The following RCOR1 variants were observed in gnomAD, a reference collection of about 807,000 sequenced individuals.
RCOR1 encodes the protein REST corepressor 1.
RCOR1 carries 12 observed loss-of-function variants against 64.0 expected under a neutral mutation model. That is an observed-to-expected ratio of 0.19 (90% CI 0.12 to 0.30). RCOR1 has a LOEUF of 0.30. Among genes scored for constraint, RCOR1 ranks in the 10% least tolerant of loss-of-function variants. The pLI is 1.00. For synonymous variants in RCOR1, 279 were observed against 227.2 expected (o/e 1.23, Z -2.05); for missense variants, 502 against 621.2 (o/e 0.81, Z 2.04).
intron 3 of RCOR1, among the ~76,000 whole-genome samples, chr14:102,684,379 A>G (rs891122902): frequency 9.9e-5 from 15 of 152,194 alleles, no homozygotes; most frequent in Non-Finnish European, 1.6e-4. Flanking sequence ...CTTGGGGTGC[A>G]TGAGACCTAG....
intron 2 of RCOR1, among the ~76,000 whole-genome samples, chr14:102,639,907 C>T (rs1351638577): frequency 6.6e-6 from 1 of 151,996 alleles, no homozygotes; most frequent in African/African-American, 2.4e-5. Flanking sequence ...AGTGCAATGG[C>T]ATGACCTCGG....
chr14:102,679,135 T>TA (rs879503319), intron 2 of RCOR1, among the ~76,000 whole-genome samples: 2 of 152,166 alleles, frequency 1.3e-5, no homozygotes, highest in South Asian at 2.1e-4. Context: ...AGTATACCAT[T>TA]AAAAAATGTT....
chr14:102,722,044 C>T (rs189823223), intron 10 of RCOR1, 143 bp from the exon 11 acceptor site: 7,666 of 650,230 alleles, frequency 0.012, 87 homozygotes, highest in Admixed American at 0.019. Context: ...GGTACTTTTT[C>T]CTACTCTAAT....
intron 11 of RCOR1, among the ~76,000 whole-genome samples, chr14:102,723,199 A>C (rs1369760034): frequency 6.6e-6 from 1 of 152,264 alleles, no homozygotes; most frequent in Non-Finnish European, 1.5e-5. Flanking sequence ...CTTTGTAAGG[A>C]AAGTCACTTT....
intron 3 of RCOR1, among the ~76,000 whole-genome samples, chr14:102,696,452 C>A (rs1474754973): frequency 6.6e-6 from 1 of 152,178 alleles, no homozygotes; most frequent in Non-Finnish European, 1.5e-5. Context: ...GGAATGTCGG[C>A]CAGGTTGCAC....
At chr14:102,671,108 T>G (rs1895025786) in intron 2 of RCOR1, among the ~76,000 whole-genome samples, 1 of 152,214 alleles carries the variant, frequency 6.6e-6, no homozygotes, top group African/African-American at 2.4e-5. Context: ...GAAAAGCATA[T>G]TCACCATTTG....
Position 102,711,022 on chromosome 14 carries a change from T to TC in RCOR1, c.858+14dup, listed in dbSNP as rs564456090. The TC allele has an allele frequency of 1.1e-3, 1,686 of 1,573,992 alleles. 25 individuals carry two copies. The South Asian group carries it at 0.016, about 14-fold the overall frequency. On this transcript the variant is annotated intron_variant, in intron 7 of 11. Transcript: ENST00000262241. ...AGGAAAGCAAAAAGGAGGTATTTTT[T>TC]CCCCCTAGTATTGTTTAGGCGAATA...
At position 102,701,339 on chromosome 14, in the gene RCOR1, A is replaced by C; in HGVS notation, c.498+9A>C. ...GGTACAACATGGAACAGGTAATATC[A>C]TGGTTTTCTTTCTTTTGCTGTTAAA... On this transcript the variant is annotated intron_variant, in intron 4 of 11. Transcript: ENST00000262241. The C allele has an allele frequency of 6.8e-5, 107 of 1,566,790 alleles. No homozygotes were observed. Among genetic ancestry groups the C allele is most frequent in the Middle Eastern group, 1.7e-4 (1 of 5,882 alleles).
Position 102,721,311 on chromosome 14 carries a change from G to C in RCOR1, c.1132-9G>C, listed in dbSNP as rs1169882689. ...GTAATGTGCTAAAATGACTCATTTGGATATCCAGGTCATTCAGAAATGTAA... is the reference window on the plus strand; with the variant it reads ...GTAATGTGCTAAAATGACTCATTTGCATATCCAGGTCATTCAGAAATGTAA... On this transcript the variant is annotated splice_polypyrimidine_tract_variant and intron_variant, in intron 9 of 11. Coordinates refer to ENST00000262241, the MANE Select transcript of RCOR1 (RefSeq NM_015156.4). 2 of 1,611,202 alleles carry C rather than the reference G, an allele frequency of 1.2e-6. No homozygotes were observed. The highest frequency in any genetic ancestry group is 2.2e-5 in the South Asian group (2 of 90,916).
At chr14:102,617,121 A>C (rs1308948996) in intron 2 of RCOR1, among the ~76,000 whole-genome samples, 2 of 152,234 alleles carry the variant, frequency 1.3e-5, no homozygotes, top group Admixed American at 6.5e-5. Flanking sequence ...GCAGAAATGT[A>C]AAGTGTAGGT....
intron 2 of RCOR1, among the ~76,000 whole-genome samples, chr14:102,611,769 G>A (rs1037283119): frequency 1.3e-5 from 2 of 152,170 alleles, no homozygotes; most frequent in Admixed American, 6.6e-5. Flanking sequence ...TGGCTGTGAG[G>A]AACTGGCACT....
intron 2 of RCOR1, among the ~76,000 whole-genome samples, chr14:102,659,578 C>T (rs758285579): frequency 6.6e-6 from 1 of 152,200 alleles, no homozygotes; most frequent in African/African-American, 2.4e-5. Flanking sequence ...ACTATCACCT[C>T]TGCCAAGACA....
chr14:102,597,479 C>T (rs1363241405), intron 2 of RCOR1, among the ~76,000 whole-genome samples: 3 of 151,644 alleles, frequency 2.0e-5, no homozygotes, highest in African/African-American at 7.3e-5. Context: ...CAGACGCACA[C>T]CACCACACCC....
chr14:102,701,210 A>G (rs1161431115), intron 3 of RCOR1, 68 bp from the exon 4 acceptor site: 6 of 1,282,408 alleles, frequency 4.7e-6, no homozygotes, highest in Non-Finnish European at 6.8e-6. Context: ...ACGTATATCA[A>G]TTCTAGCAGA....
chr14:102,602,189 C>G (rs1893415256), intron 2 of RCOR1, among the ~76,000 whole-genome samples: 1 of 151,128 alleles, frequency 6.6e-6, no homozygotes, highest in African/African-American at 2.4e-5. Flanking sequence ...AATATGTTTT[C>G]TTGTTATTGT....
At chr14:102,616,240 G>A (rs535576676) in intron 2 of RCOR1, among the ~76,000 whole-genome samples, 86 of 103,320 alleles carry the variant, frequency 8.3e-4, no homozygotes, top group South Asian at 3.1e-3. Context: ...GTGTGTGTGT[G>A]TGTGTGTGTA....
chr14:102,596,846 T>C (rs1330887456), intron 2 of RCOR1, among the ~76,000 whole-genome samples: 1 of 148,810 alleles, frequency 6.7e-6, no homozygotes, highest in Non-Finnish European at 1.5e-5. Context: ...ATTACAGGCG[T>C]GAACCACTGT....
chr14:102,696,602 C>T (rs1235939276), intron 3 of RCOR1, among the ~76,000 whole-genome samples: 2 of 152,072 alleles, frequency 1.3e-5, no homozygotes, highest in African/African-American at 4.8e-5. Flanking sequence ...TTCATGAGTC[C>T]CTGCCCTCAG....
intron 2 of RCOR1, among the ~76,000 whole-genome samples, chr14:102,654,786 G>GTTTTT (rs570052553): frequency 8.4e-6 from 1 of 118,386 alleles, no homozygotes; most frequent in Non-Finnish European, 1.7e-5. Flanking sequence ...CTGTGGTTGA[G>GTTTTT]TTTTTTTTTT....
Sources: allele counts gnomAD v4.1 joint callset (sites outside exome capture counted in the v4.1 genomes callset), GRCh38; gene constraint gnomAD v4.1.1; transcripts MANE v1.5; gene names NCBI Gene and HGNC (gene_info 2026-07-23, HGNC 2026-07-21).